The following SECTM1 variants were observed in gnomAD, a reference collection of about 807,000 sequenced individuals.
The protein encoded by SECTM1 is secreted and transmembrane protein 1.
Under a neutral mutation model 18.1 loss-of-function variants are expected in SECTM1, and 10 were observed. The observed-to-expected ratio is 0.55, with a 90% confidence interval of 0.34 to 0.94. The LOEUF is 0.94. SECTM1 is among the 40% of genes least tolerant of loss of function. SECTM1 has a pLI of 0.02. For synonymous variants in SECTM1, 137 were observed against 139.2 expected (o/e 0.98, Z 0.11); for missense variants, 297 against 322.6 (o/e 0.92, Z 0.61).
chr17:82,332,057 G>C (rs1247480671), intron 1 of SECTM1, among the ~76,000 whole-genome samples: 1 of 152,050 alleles, frequency 6.6e-6, no homozygotes, highest in East Asian at 1.9e-4. Flanking sequence ...CAGGAGAATC[G>C]CTTGAACCAG....
Position 82,327,256 on chromosome 17 carries a change from G to C in SECTM1, c.-16C>G. 1 of 1,592,318 alleles carries C rather than the reference G, an allele frequency of 6.3e-7. No individual in the cohort carries two copies. The highest frequency in any genetic ancestry group is 2.3e-5 in the East Asian group (1 of 44,032). Reference sequence around the variant, plus strand: ...AGGTCTGCATGGCTGGTGGGACTTGGGCCCCTGGTCCTTGTCACTGGCTCT... The same window carrying C: ...AGGTCTGCATGGCTGGTGGGACTTGCGCCCCTGGTCCTTGTCACTGGCTCT... On this transcript the variant is annotated 5_prime_UTR_variant, in exon 2 of 5. Transcript: ENST00000269389.
chr17:82,322,000 G>A lies in SECTM1; in HGVS notation c.*161C>T, dbSNP rs1236061268. The A allele has an allele frequency of 1.6e-6, 1 of 617,820 alleles. No homozygotes were observed. The highest frequency in any genetic ancestry group is 2.8e-6 in the Non-Finnish European group (1 of 354,978). 38.3% of individuals were successfully genotyped at this position (617,820 alleles called of 1,614,324 possible). A position where few individuals can be genotyped will look rare whatever the true frequency, so the allele number is the denominator to read the frequency against. On this transcript the variant is annotated 3_prime_UTR_variant, in exon 5 of 5. Transcript: ENST00000269389. The stretch of plus-strand genomic sequence containing the variant: ...AGCTTGGAAGACCTGGGGGGTGGAG[G>A]GGAAGGGTCTGCACGCACCCAGGAG...
In SECTM1 at chr17:82,326,015, C is replaced by T. The variant is rs1338176356; in HGVS notation, c.95-1125G>A. Among the ~76,000 whole-genome samples the T allele has an allele frequency of 6.6e-6, 1 of 152,242 alleles. No individual in the cohort carries two copies. The highest frequency in any genetic ancestry group is 1.5e-5 in the Non-Finnish European group (1 of 68,044). ...GCTGGACTGAGTTTCCTCTGACGAG[C>T]AGGCTGGCTGCCTGCCTGGACGCTC... On this transcript the variant is annotated intron_variant, in intron 2 of 4. Coordinates refer to ENST00000269389, the MANE Select transcript of SECTM1 (RefSeq NM_003004.3). This position sits in a 1 kb window ranked among gnomAD's most constrained non-coding sequence, Gnocchi z 4.3.
In SECTM1 at chr17:82,325,856, C is replaced by T. The variant is rs2052141526; in HGVS notation, c.95-966G>A. On this transcript the variant is annotated intron_variant, in intron 2 of 4. Transcript: ENST00000269389. The surrounding 1 kb of genome is among the most constrained non-coding windows in gnomAD (Gnocchi z 7.6). Reference sequence around the variant, plus strand: ...GGGTGAGCTCTCGGGGAGCACACAGCATGCTGGTTGGAGCCGCCATTTGGC... The same window carrying T: ...GGGTGAGCTCTCGGGGAGCACACAGTATGCTGGTTGGAGCCGCCATTTGGC... 1.3e-5 allele frequency among the ~76,000 whole-genome samples: 2 copies of T among 152,252 alleles called. No homozygotes were observed. The highest frequency in any genetic ancestry group is 2.9e-5 in the Non-Finnish European group (2 of 68,046).
Position 82,327,022 on chromosome 17 carries a change from CAG to C in SECTM1, c.94+123_94+124del, listed in dbSNP as rs929795032. 2.1e-5 allele frequency: 15 copies of C among 714,798 alleles called. No homozygotes were observed. The African/African-American group carries it at 2.7e-4, about 13-fold the overall frequency. The allele number at this position is 714,798 out of a possible 1,614,324, so 44.3% of individuals were successfully genotyped here. ...TCCACATGGTCAGGCCCTGGGTCTG[CAG>C]AGTCAGTCATTATCGGGGGTCTGGT... On this transcript the variant is annotated intron_variant, in intron 2 of 4. Coordinates refer to ENST00000269389, the MANE Select transcript of SECTM1 (RefSeq NM_003004.3).
At chr17:82,331,107 G>C (rs1341529376) in intron 1 of SECTM1, among the ~76,000 whole-genome samples, 2 of 152,206 alleles carry the variant, frequency 1.3e-5, no homozygotes, top group Non-Finnish European at 2.9e-5. Context: ...GCAAGGGATG[G>C]GCTGGAGGGT....
At position 82,324,628 on chromosome 17, in the gene SECTM1, G is replaced by A. The variant is rs1486057103; in HGVS notation, c.357C>T (p.Leu119=). 4 of 1,579,660 alleles carry A rather than the reference G, an allele frequency of 2.5e-6. No homozygotes were observed. Among genetic ancestry groups the A allele is most frequent in the East Asian group, 2.4e-5 (1 of 42,510 alleles). The stretch of plus-strand genomic sequence containing the variant: ...GTCTGTTATTTCTCTGGTGTCCCAC[G>A]AGGTGCCACATGTACAGCCCAGCAT... ...DSHAGLYMWH[L]VGHQRNNRQV... is the part of the protein sequence containing the mutation. The change falls in exon 3 of 5, where the codon CTC becomes CTT. Residue 119 remains leucine, a synonymous_variant. Coordinates refer to ENST00000269389, the MANE Select transcript of SECTM1 (RefSeq NM_003004.3).
At chr17:82,322,450 C>T (rs2052102911) in intron 4 of SECTM1, 80 bp from the exon 5 acceptor site, 16 of 1,362,324 alleles carry the variant, frequency 1.2e-5, no homozygotes, top group Non-Finnish European at 1.7e-5. Context: ...TGCGTTCACA[C>T]TCACGGGCAT....
At chr17:82,323,060 C>A in intron 3 of SECTM1, 49 bp from the exon 4 acceptor site, 1 of 1,566,690 alleles carries the variant, frequency 6.4e-7, no homozygotes, top group East Asian at 2.3e-5. Context: ...CATCCCCCAC[C>A]CCCTACCTCC....
rs763020472 is a variant in SECTM1 at position 82,322,943 on chromosome 17, T to G, written c.472A>C (p.Ile158Leu). ...PVPAVVTAVFILLVALVMFAW... is the reference protein window; with the variant it reads ...PVPAVVTAVFLLLVALVMFAW... ...AACATGACCAGAGCGACCAAGAGGA[T>G]GAAGACAGCAGTGACCACCGCTGGC... Residue 158 changes from isoleucine (I) to leucine (L), a missense_variant, in exon 4 of 5, where the codon ATC becomes CTC. Coordinates refer to ENST00000269389, the MANE Select transcript of SECTM1 (RefSeq NM_003004.3). 10 of 1,613,906 alleles carry G rather than the reference T, an allele frequency of 6.2e-6. No individual in the cohort carries two copies. Among genetic ancestry groups the G allele is most frequent in the Non-Finnish European group, 6.8e-6 (8 of 1,179,974 alleles).
intron 3 of SECTM1, chr17:82,323,287 C>A (rs974108172): frequency 6.7e-6 from 3 of 446,446 alleles, no homozygotes; most frequent in Non-Finnish European, 1.2e-5. Flanking sequence ...AGGAGCTGCG[C>A]GCTGGCCCGG....
Position 82,321,875 on chromosome 17 carries a change from G to T in SECTM1, c.*286C>A. 2.4e-6 allele frequency: 1 copy of T among 422,304 alleles called. No individual in the cohort carries two copies. The highest frequency in any genetic ancestry group is 4.1e-5 in the Admixed American group (1 of 24,396). The allele number at this position is 422,304 out of a possible 1,614,324, so 26.2% of individuals were successfully genotyped here. A position where few individuals can be genotyped will look rare whatever the true frequency, so the allele number is the denominator to read the frequency against. ...GCCTGGGGTGGCAGAAAGGGAGTCC[G>T]GGTCTGTGGGTTTGATGAGGGCAGA... On this transcript the variant is annotated 3_prime_UTR_variant, in exon 5 of 5. Transcript: ENST00000269389.
chr17:82,332,230 C>G (rs2052197171), intron 1 of SECTM1, among the ~76,000 whole-genome samples: 1 of 152,220 alleles, frequency 6.6e-6, no homozygotes, highest in African/African-American at 2.4e-5. Context: ...ACACAGGGGT[C>G]GGTATCTGAG....
rs569713691 is a variant in SECTM1 at position 82,331,358 on chromosome 17, G to A, written c.-53+2342C>T. Among the ~76,000 whole-genome samples the A allele has an allele frequency of 1.1e-4, 16 of 152,228 alleles. No individual in the cohort carries two copies. In the East Asian group the frequency reaches 2.5e-3, roughly 24 times the overall value. On this transcript the variant is annotated intron_variant, in intron 1 of 4. Coordinates refer to ENST00000269389, the MANE Select transcript of SECTM1 (RefSeq NM_003004.3). ...ACCATGCGTGGCCCCAGCTCTGTCT[G>A]GGCAGCAGGTGTCAGCGACTTTGGG...
At chr17:82,331,136 T>C (rs1308519831) in intron 1 of SECTM1, among the ~76,000 whole-genome samples, 1 of 151,986 alleles carries the variant, frequency 6.6e-6, no homozygotes, top group African/African-American at 2.4e-5. Flanking sequence ...CAGGTGGCGG[T>C]GCCCTTCCTG....
intron 3 of SECTM1, 142 bp downstream of exon 3, chr17:82,324,440 T>C: frequency 1.1e-6 from 1 of 892,496 alleles, no homozygotes; most frequent in Non-Finnish European, 1.7e-6. Flanking sequence ...CCGCCAACCC[T>C]GTCTCCTGGC....
In SECTM1 at chr17:82,324,906, G is replaced by C; in HGVS notation, c.95-16C>G. ...CTGTCCCAGCCTGTAGGGCCAGACA[G>C]AGGCACACACGGATCAGGGCTGGAC... On this transcript the variant is annotated splice_polypyrimidine_tract_variant and intron_variant, in intron 2 of 4. Coordinates refer to ENST00000269389, the MANE Select transcript of SECTM1 (RefSeq NM_003004.3). The C allele has an allele frequency of 6.2e-7, 1 of 1,601,962 alleles. No homozygotes were observed. The highest frequency in any genetic ancestry group is 8.5e-7 in the Non-Finnish European group (1 of 1,173,078).
At chr17:82,327,109 C>A (rs772510706) in intron 2 of SECTM1, 38 bp downstream of exon 2, 1 of 1,534,088 alleles carries the variant, frequency 6.5e-7, no homozygotes, top group East Asian at 2.3e-5. Flanking sequence ...CACCGGGCCC[C>A]CCTTTCCCCA....
chr17:82,323,086 GCCT>G lies in SECTM1; in HGVS notation c.404-78_404-76del. 5 of 1,484,316 alleles carry G rather than the reference GCCT, an allele frequency of 3.4e-6. 1 individual carries two copies. Among genetic ancestry groups the G allele is most frequent in the South Asian group, 2.5e-5 (2 of 80,520 alleles). The allele number at this position is 1,484,316 out of a possible 1,614,324, so 91.9% of individuals were successfully genotyped here. On this transcript the variant is annotated intron_variant, in intron 3 of 4. Coordinates refer to ENST00000269389, the MANE Select transcript of SECTM1 (RefSeq NM_003004.3). The stretch of plus-strand genomic sequence containing the variant: ...CCCTACCTCCTCCGTGTAGCTCCCA[GCCT>G]CCTCCTCCTACACACTCCCTGGGGT...
Sources: gnomAD v4.1 joint callset for allele counts (sites outside exome capture counted in the v4.1 genomes callset) on GRCh38, gnomAD v4.1.1 for gene constraint, Gnocchi (gnomAD v3.1) non-coding constraint, MANE v1.5 for transcripts, NCBI Gene and HGNC (gene_info 2026-07-23, HGNC 2026-07-21) for gene names.